The following CNTNAP2 variants were observed in gnomAD, a reference collection of about 807,000 sequenced individuals.
The protein encoded by CNTNAP2 is contactin associated protein 2, also known as contactin-associated protein-like 2.
CNTNAP2 carries 98 observed loss-of-function variants against 155.2 expected under a neutral mutation model. That is an observed-to-expected ratio of 0.63 (90% CI 0.54 to 0.75). The LOEUF (loss-of-function observed/expected upper bound fraction) is 0.75, where lower values mean the gene tolerates loss of function less well. Among genes scored for constraint, CNTNAP2 ranks in the 30% least tolerant of loss-of-function variants. The pLI, the probability that CNTNAP2 is intolerant of heterozygous loss-of-function variation, is 0.00. For missense variants in CNTNAP2, 1,727 were observed against 1,688.1 expected, an observed-to-expected ratio of 1.02 and a Z score of -0.40; for synonymous variants, 651 against 631.2, an observed-to-expected ratio of 1.03 and a Z score of -0.47.
rs182458522 is a variant in CNTNAP2 at position 146,854,950 on chromosome 7, T to A, written c.402+15046T>A. Among the ~76,000 whole-genome samples the A allele has an allele frequency of 3.9e-3, 591 of 152,276 alleles. 2 individuals carry two copies. Among genetic ancestry groups the A allele is most frequent in the Non-Finnish European group, 6.3e-3 (431 of 68,010 alleles). On this transcript the variant is annotated intron_variant, in intron 3 of 23. Coordinates refer to ENST00000361727, the MANE Select transcript of CNTNAP2 (RefSeq NM_014141.6). ...TCTTATTTTTGTATTATAATTGCCATCTATGTATAATTGATGCTAACAGAG... is the reference window on the plus strand; with the variant it reads ...TCTTATTTTTGTATTATAATTGCCAACTATGTATAATTGATGCTAACAGAG...
chr7:147,010,399 G>T (rs369971596), intron 3 of CNTNAP2, among the ~76,000 whole-genome samples: 9 of 151,936 alleles, frequency 5.9e-5, no homozygotes, highest in African/African-American at 1.9e-4. Context: ...TATCATTTTT[G>T]ATTAATGGAT....
intron 13 of CNTNAP2, among the ~76,000 whole-genome samples, chr7:147,827,123 G>A (rs537047129): frequency 6.6e-6 from 1 of 151,642 alleles, no homozygotes; most frequent in Non-Finnish European, 1.5e-5. Flanking sequence ...TTAGAGATGG[G>A]GTTTCGCCAT....
At chr7:148,132,096 G>T (rs1444131171) in intron 16 of CNTNAP2, among the ~76,000 whole-genome samples, 1 of 152,136 alleles carries the variant, frequency 6.6e-6, no homozygotes, top group Non-Finnish European at 1.5e-5. Context: ...ATTTGTACTT[G>T]TATCCCCTCA....
chr7:147,977,276 G>T (rs889266028), intron 14 of CNTNAP2, among the ~76,000 whole-genome samples: 4 of 152,114 alleles, frequency 2.6e-5, no homozygotes, highest in African/African-American at 4.8e-5. Context: ...AAGCCAACTG[G>T]GCTCAAATCT....
At chr7:146,683,514 A>G (rs1434874924) in intron 1 of CNTNAP2, among the ~76,000 whole-genome samples, 1 of 152,250 alleles carries the variant, frequency 6.6e-6, no homozygotes, top group Non-Finnish European at 1.5e-5. Flanking sequence ...CAGTGCCACA[A>G]GAGACATTGG....
intron 1 of CNTNAP2, among the ~76,000 whole-genome samples, chr7:146,668,655 T>C (rs1800243128): frequency 6.6e-6 from 1 of 152,118 alleles, no homozygotes; most frequent in African/African-American, 2.4e-5. Context: ...TGAGACTTTT[T>C]ATTACTGATT....
intron 15 of CNTNAP2, among the ~76,000 whole-genome samples, chr7:147,995,004 G>A (rs191847789): frequency 6.6e-6 from 1 of 152,274 alleles, no homozygotes; most frequent in East Asian, 1.9e-4. Flanking sequence ...AAGTCCAGAG[G>A]AAACCAAACA....
At chr7:146,408,297 CTTGAG>C (rs1270686313) in intron 1 of CNTNAP2, among the ~76,000 whole-genome samples, 1 of 151,706 alleles carries the variant, frequency 6.6e-6, no homozygotes, top group Non-Finnish European at 1.5e-5. Flanking sequence ...ACTTTTTTTC[CTTGAG>C]TTAAGGATGA....
intron 9 of CNTNAP2, 36 bp from the exon 10 acceptor site, chr7:147,395,573 C>T (rs1346672653): frequency 1.2e-6 from 2 of 1,604,748 alleles, no homozygotes; most frequent in Admixed American, 1.7e-5. Context: ...TTATACTGTA[C>T]ACCAGATTTA....
At position 148,141,748 on chromosome 7, in the gene CNTNAP2, A is replaced by G. The variant is rs529112851; in HGVS notation, c.2555-5743A>G. ...AAAGGGGAAAGGACAGCTGAGAGCG[A>G]AGTTTGTTATTTAACATAGAATGTT... On this transcript the variant is annotated intron_variant, in intron 16 of 23. Transcript: ENST00000361727. Among the ~76,000 whole-genome samples the G allele has an allele frequency of 2.6e-5, 4 of 152,344 alleles. No homozygotes were observed. In the East Asian group the frequency reaches 7.7e-4, roughly 29 times the overall value.
chr7:147,749,050 T>C (rs1797092728), intron 13 of CNTNAP2, among the ~76,000 whole-genome samples: 1 of 152,198 alleles, frequency 6.6e-6, no homozygotes, highest in South Asian at 2.1e-4. Context: ...ATGAAGTAGG[T>C]TTTTAGTTTT....
intron 15 of CNTNAP2, among the ~76,000 whole-genome samples, chr7:148,080,727 A>G (rs1486414846): frequency 6.6e-6 from 1 of 152,164 alleles, no homozygotes; most frequent in East Asian, 1.9e-4. Context: ...TCACTATGCA[A>G]TGCATATTTT....
intron 3 of CNTNAP2, among the ~76,000 whole-genome samples, chr7:146,976,325 A>G (rs28477922): frequency 0.015 from 2,219 of 152,240 alleles, 46 homozygotes; most frequent in African/African-American, 0.049. Flanking sequence ...GACCCTGTCT[A>G]TCTGGAGAGA....
At chr7:146,617,017 T>TTTTTTTG (rs113504240) in intron 1 of CNTNAP2, among the ~76,000 whole-genome samples, 73 of 151,390 alleles carry the variant, frequency 4.8e-4, no homozygotes, top group African/African-American at 1.6e-3. Context: ...AACCTGGTTT[T>TTTTTTTG]TTTGTTTGTT....
intron 13 of CNTNAP2, among the ~76,000 whole-genome samples, chr7:147,885,641 T>C (rs574082588): frequency 3.3e-5 from 5 of 152,274 alleles, no homozygotes; most frequent in Non-Finnish European, 7.4e-5. Context: ...TGCTTTCTTA[T>C]ATCACCTTAA....
At chr7:147,838,011 C>T (rs1052055952) in intron 13 of CNTNAP2, among the ~76,000 whole-genome samples, 3 of 152,206 alleles carry the variant, frequency 2.0e-5, no homozygotes, top group African/African-American at 7.2e-5. Flanking sequence ...TTCCATACAT[C>T]TTCTGAAATC....
intron 1 of CNTNAP2, among the ~76,000 whole-genome samples, chr7:146,395,717 C>T (rs1015970109): frequency 6.6e-6 from 1 of 151,364 alleles, no homozygotes; most frequent in Non-Finnish European, 1.5e-5. Flanking sequence ...AGCAACACAA[C>T]TAGGAATTCC....
chr7:148,187,109 T>TACACACACACACAC (rs142565546), intron 18 of CNTNAP2, among the ~76,000 whole-genome samples: 3 of 49,262 alleles, frequency 6.1e-5, no homozygotes, highest in Admixed American at 2.4e-4. Flanking sequence ...CAAGGAAACA[T>TACACACACACACAC]ACACACACAC....
chr7:146,465,733 A>T (rs1013937277), intron 1 of CNTNAP2, among the ~76,000 whole-genome samples: 8 of 152,188 alleles, frequency 5.3e-5, no homozygotes, highest in Non-Finnish European at 1.2e-4. Flanking sequence ...AGAGATTGAT[A>T]CGGCAGGATA....
Sources: allele counts gnomAD v4.1 joint callset (sites outside exome capture counted in the v4.1 genomes callset), GRCh38; gene constraint gnomAD v4.1.1; transcripts MANE v1.5; gene names NCBI Gene and HGNC (gene_info 2026-07-23, HGNC 2026-07-21).